The following DSC3 variants were observed in gnomAD, a reference collection of about 807,000 sequenced individuals.
DSC3 encodes desmocollin-3.
Under a neutral mutation model 89.5 loss-of-function variants are expected in DSC3, and 97 were observed. The ratio of observed to expected loss-of-function variants is 1.08; its 90% CI spans 0.92 to 1.28. The LOEUF is 1.28. DSC3 is among the 50% of genes most tolerant of loss of function. The pLI is 0.00. For missense variants in DSC3, 1,199 were observed against 1,085.3 expected, an observed-to-expected ratio of 1.10 and a Z score of -1.47; for synonymous variants, 436 against 384.1, an observed-to-expected ratio of 1.14 and a Z score of -1.58.
intron 9 of DSC3, among the ~76,000 whole-genome samples, chr18:31,010,811 T>A (rs1256062382): frequency 1.3e-5 from 2 of 152,106 alleles, no homozygotes; most frequent in Non-Finnish European, 2.9e-5. Context: ...GCCACTGAGG[T>A]GGAATGAGTT....
At chr18:31,022,959 C>T (rs115119620) in intron 6 of DSC3, among the ~76,000 whole-genome samples, 1,715 of 152,108 alleles carry the variant, frequency 0.011, 34 homozygotes, top group African/African-American at 0.039. Context: ...AGTAGTCCAG[C>T]CTCTCCTTTC....
chr18:31,006,797 A>G, intron 12 of DSC3, 110 bp downstream of exon 12: 1 of 863,370 alleles, frequency 1.2e-6, no homozygotes, highest in Non-Finnish European at 1.9e-6. Flanking sequence ...TCTAAAATAT[A>G]TTAATGAGAC....
chr18:31,011,433 C>G (rs1163828642), intron 9 of DSC3, among the ~76,000 whole-genome samples: 1 of 151,918 alleles, frequency 6.6e-6, no homozygotes, highest in Non-Finnish European at 1.5e-5. Context: ...GTTTGGCCTA[C>G]TGATTACTTA....
At chr18:30,998,729 C>A (rs904442113) in intron 14 of DSC3, among the ~76,000 whole-genome samples, 7 of 151,758 alleles carry the variant, frequency 4.6e-5, no homozygotes, top group Non-Finnish European at 1.0e-4. Context: ...GTGGCAGGAC[C>A]CTGAAGCCAT....
At chr18:31,040,515 C>T (rs1049174300) in intron 1 of DSC3, among the ~76,000 whole-genome samples, 5 of 151,738 alleles carry the variant, frequency 3.3e-5, no homozygotes, top group Non-Finnish European at 7.4e-5. Flanking sequence ...TTTCTTTGTG[C>T]GTGTGATTAT....
At chr18:31,008,179 G>C (rs1567952643) in intron 10 of DSC3, 21 bp from the exon 11 acceptor site, 2 of 1,605,262 alleles carry the variant, frequency 1.2e-6, no homozygotes, top group African/African-American at 2.7e-5. Flanking sequence ...AAAAAAAATA[G>C]TCTTTAGCAT....
At chr18:31,003,371 C>G (rs146987237) in intron 13 of DSC3, among the ~76,000 whole-genome samples, 96 of 152,270 alleles carry the variant, frequency 6.3e-4, no homozygotes, top group African/African-American at 2.2e-3. Context: ...AGAACAGTTT[C>G]CTGCCTACAG....
At chr18:31,007,808 C>T (rs1984904940) in intron 11 of DSC3, among the ~76,000 whole-genome samples, 1 of 152,054 alleles carries the variant, frequency 6.6e-6, no homozygotes, top group African/African-American at 2.4e-5. Flanking sequence ...TAAGGTCCTG[C>T]CCTATTGGGG....
intron 1 of DSC3, among the ~76,000 whole-genome samples, chr18:31,040,281 A>T (rs926821851): frequency 6.6e-6 from 1 of 152,096 alleles, no homozygotes; most frequent in African/African-American, 2.4e-5. Context: ...TAGATAACAT[A>T]ATCTTAAAGT....
chr18:31,017,075 T>C (rs1183510581), intron 9 of DSC3, among the ~76,000 whole-genome samples: 1 of 152,206 alleles, frequency 6.6e-6, no homozygotes, highest in Non-Finnish European at 1.5e-5. Context: ...TTCCTATTAC[T>C]CTCAACTATA....
chr18:31,015,547 T>TTACAAA (rs78286672), intron 9 of DSC3, among the ~76,000 whole-genome samples: 76,997 of 151,498 alleles, frequency 0.51, 20,432 homozygotes, highest in East Asian at 0.88. Context: ...TCAAAAAAAC[T>TTACAAA]TAGAAATGTA....
intron 9 of DSC3, among the ~76,000 whole-genome samples, chr18:31,017,163 G>A (rs1030787786): frequency 1.3e-5 from 2 of 152,056 alleles, no homozygotes; most frequent in Non-Finnish European, 2.9e-5. Flanking sequence ...ATAAAATAGG[G>A]AGGCTTGATG....
intron 8 of DSC3, 137 bp from the exon 9 acceptor site, chr18:31,018,393 T>C (rs1211856094): frequency 1.7e-5 from 13 of 765,150 alleles, no homozygotes; most frequent in Non-Finnish European, 2.6e-5. Context: ...GTAAACACTA[T>C]TGTTTCATTA....
At position 31,011,969 on chromosome 18, in the gene DSC3, CAAAAAAAAA is replaced by C. The variant is rs371759932; in HGVS notation, c.1264-3453_1264-3445del. ...AAAGTACTTAAAAGTACTCCATCTC[CAAAAAAAAA>C]AAAAAAAAAAGTACTTAAAGACATG... On this transcript the variant is annotated intron_variant, in intron 9 of 15. Transcript: ENST00000360428. Among the ~76,000 whole-genome samples, 22 of 51,578 alleles carry C rather than the reference CAAAAAAAAA, an allele frequency of 4.3e-4. No homozygotes were observed. In the East Asian group the frequency reaches 0.011, roughly 27 times the overall value. 33.8% of individuals were successfully genotyped at this position (51,578 alleles called of 152,430 possible). A position where few individuals can be genotyped will look rare whatever the true frequency, so the allele number is the denominator to read the frequency against.
chr18:31,007,724 C>A lies in DSC3; in HGVS notation c.1663+292G>T, dbSNP rs57733604. 4.5e-3 allele frequency among the ~76,000 whole-genome samples: 687 copies of A among 152,282 alleles called. 7 individuals carry two copies. Among genetic ancestry groups the A allele is most frequent in the African/African-American group, 0.016 (658 of 41,554 alleles). On this transcript the variant is annotated intron_variant, in intron 11 of 15. Coordinates refer to ENST00000360428, the MANE Select transcript of DSC3 (RefSeq NM_001941.5). ...GTGACACAAACGGATGTGGAAGAGT[C>A]TGATGAGACCATTTTATCTAGTTTT...
At chr18:31,039,734 C>A (rs564043592) in intron 1 of DSC3, among the ~76,000 whole-genome samples, 182 of 152,242 alleles carry the variant, frequency 1.2e-3, no homozygotes, top group African/African-American at 4.2e-3. Flanking sequence ...ACAACAGGAT[C>A]CAAAAATGTG....
intron 6 of DSC3, among the ~76,000 whole-genome samples, chr18:31,023,610 G>A (rs549225138): frequency 2.7e-4 from 41 of 152,244 alleles, no homozygotes; most frequent in African/African-American, 7.7e-4. Context: ...TAATATTGCA[G>A]TGAAGATCTA....
In DSC3 at chr18:31,022,511, T is replaced by TA; in HGVS notation, c.776-10dup. ...CACCCCCACTGTAGTACCTACACAT[T>TA]AAAAAATAAAACAGCCTTTAATTTA... On this transcript the variant is annotated splice_polypyrimidine_tract_variant and intron_variant, in intron 6 of 15. Transcript: ENST00000360428. 1 of 1,613,912 alleles carries TA rather than the reference T, an allele frequency of 6.2e-7. No homozygotes were observed. Among genetic ancestry groups the TA allele is most frequent in the Non-Finnish European group, 8.5e-7 (1 of 1,179,864 alleles).
At chr18:31,023,197 A>C (rs1985483187) in intron 6 of DSC3, among the ~76,000 whole-genome samples, 1 of 152,156 alleles carries the variant, frequency 6.6e-6, no homozygotes, top group Non-Finnish European at 1.5e-5. Context: ...AGCATACCCC[A>C]TTGCTAATTA....
Sources: allele counts gnomAD v4.1 joint callset (sites outside exome capture counted in the v4.1 genomes callset), GRCh38; gene constraint gnomAD v4.1.1; transcripts MANE v1.5; gene names NCBI Gene and HGNC (gene_info 2026-07-23, HGNC 2026-07-21).